The following DENND4C variants were observed in gnomAD, a reference collection of about 807,000 sequenced individuals.
DENND4C encodes DENN domain containing 4C.
Under a neutral mutation model 203.0 loss-of-function variants are expected in DENND4C, and 108 were observed. The ratio of observed to expected loss-of-function variants is 0.53; its 90% confidence interval spans 0.46 to 0.62. DENND4C has a LOEUF of 0.62. Among genes scored for constraint, DENND4C ranks in the 20% least tolerant of loss-of-function variants. The probability of loss-of-function intolerance (pLI) is 0.00; values close to 1 mark genes in which losing one functional copy is unlikely to be tolerated. For synonymous variants in DENND4C, 871 were observed against 792.4 expected, an observed-to-expected ratio of 1.10 and a Z score of -1.67; for missense variants, 2,481 against 2,301.2, an observed-to-expected ratio of 1.08 and a Z score of -1.60.
chr9:19,235,537 GTTCT>G (rs1821728220), intron 1 of DENND4C, among the ~76,000 whole-genome samples: 1 of 148,444 alleles, frequency 6.7e-6, no homozygotes, highest in African/African-American at 2.5e-5. Context: ...GTTTTGAAGT[GTTCT>G]TTGTTTCATT....
At chr9:19,258,029 G>C (rs1828409504) in intron 1 of DENND4C, among the ~76,000 whole-genome samples, 1 of 151,926 alleles carries the variant, frequency 6.6e-6, no homozygotes, top group Middle Eastern at 3.2e-3. Context: ...GAGGTGGGAG[G>C]AACACTTGAG....
rs754649450 is a variant in DENND4C, at chr9:19,324,383, G to A, written c.1829G>A (p.Arg610His). Residue 610 changes from arginine to histidine, a missense_variant, in exon 13 of 33, where the codon CGT becomes CAT. Physicochemically the swap from Arg to His is conservative, Grantham distance 29 (BLOSUM62 0). Transcript: ENST00000434457. ...TCAGGATTTTTAAAAAGTCGAGATC[G>A]TGCCTATGCAAAATTCTATACCCTT... ...DRQGFLKSRD[R>H]AYAKFYTLLS... 8.1e-6 allele frequency: 13 copies of A among 1,601,614 alleles called. No individual in the cohort carries two copies. The highest frequency in any genetic ancestry group is 5.4e-5 in the African/African-American group (4 of 73,960).
intron 12 of DENND4C, among the ~76,000 whole-genome samples, chr9:19,323,442 A>G (rs1843224846): frequency 6.6e-6 from 1 of 152,000 alleles, no homozygotes. Flanking sequence ...AAAAAAAAAA[A>G]AAAGGAATGA....
chr9:19,357,287 A>C, intron 27 of DENND4C, 133 bp downstream of exon 27: 1 of 777,712 alleles, frequency 1.3e-6, no homozygotes. Context: ...ACTTATTACC[A>C]CATAGTGTTT....
intron 3 of DENND4C, 91 bp downstream of exon 3, chr9:19,287,112 A>T: frequency 9.1e-7 from 1 of 1,093,656 alleles, no homozygotes; most frequent in African/African-American, 1.6e-5. Flanking sequence ...ATATACTCAC[A>T]TTTTATATTT....
intron 5 of DENND4C, among the ~76,000 whole-genome samples, chr9:19,295,782 A>G (rs763983545): frequency 7.2e-5 from 11 of 152,134 alleles, no homozygotes; most frequent in Admixed American, 2.0e-4. Context: ...CCATTTTTGT[A>G]TAAGATACAT....
chr9:19,275,792 A>G (rs530734570), intron 1 of DENND4C, among the ~76,000 whole-genome samples: 1 of 152,236 alleles, frequency 6.6e-6, no homozygotes, highest in African/African-American at 2.4e-5. Flanking sequence ...TTTTTAGTAG[A>G]GACAGGGTTT....
intron 1 of DENND4C, among the ~76,000 whole-genome samples, chr9:19,273,815 CAA>C (rs746581354): frequency 1.3e-5 from 2 of 151,844 alleles, no homozygotes; most frequent in African/African-American, 2.4e-5. Flanking sequence ...TCAAAGCTGA[CAA>C]GAGTGAAAAA....
intron 9 of DENND4C, among the ~76,000 whole-genome samples, chr9:19,303,457 A>G (rs958991767): frequency 6.6e-6 from 1 of 152,226 alleles, no homozygotes; most frequent in African/African-American, 2.4e-5. Context: ...GCATGACAGC[A>G]GAGTTAAATG....
At position 19,358,293 on chromosome 9, in the gene DENND4C, CTTTT is replaced by C. The variant is rs929548091; in HGVS notation, c.5160+135_5160+138del. 3 of 711,236 alleles carry C rather than the reference CTTTT, an allele frequency of 4.2e-6. No individual in the cohort carries two copies. The South Asian group carries it at 1.1e-4, about 27-fold the overall frequency. 44.1% of individuals were successfully genotyped at this position (711,236 alleles called of 1,614,324 possible). ...ATAGAGTTTTTCCATAAACAAATAA[CTTTT>C]TATTGTGGAGAATTTCAAATATGTA... On this transcript the variant is annotated intron_variant, in intron 28 of 32. Transcript: ENST00000434457. The surrounding 1 kb of genome is among the most constrained non-coding windows in gnomAD (Gnocchi z 4.8).
intron 3 of DENND4C, 24 bp from the exon 4 acceptor site, chr9:19,288,572 A>T (rs1029085108): frequency 8.2e-7 from 1 of 1,223,986 alleles, no homozygotes; most frequent in African/African-American, 1.6e-5. Context: ...TGTCTTTTTT[A>T]TAAACCTAAT....
intron 1 of DENND4C, among the ~76,000 whole-genome samples, chr9:19,231,927 G>C (rs76212921): frequency 0.021 from 3,171 of 152,232 alleles, 117 homozygotes; most frequent in African/African-American, 0.072. Context: ...GAGAACGTTA[G>C]TGCTAAGGCG....
intron 6 of DENND4C, among the ~76,000 whole-genome samples, chr9:19,297,272 G>C (rs1380315648): frequency 6.6e-6 from 1 of 152,158 alleles, no homozygotes; most frequent in Non-Finnish European, 1.5e-5. Flanking sequence ...GTAATTATGT[G>C]AGGGTTTAAA....
rs1488580953 is a variant in DENND4C at position 19,346,940 on chromosome 9, G to A, written c.4171G>A (p.Val1391Ile). The A allele has an allele frequency of 2.5e-6, 4 of 1,613,990 alleles. No individual in the cohort carries two copies. Among genetic ancestry groups the A allele is most frequent in the Admixed American group, 1.7e-5 (1 of 60,000 alleles). ...GCCACATGGCTCGTTGGGTTCTGTA[G>A]TAAATTCTTTGTCAGGGCTAAAGCT... The part of the protein sequence containing the change: ...SSPHGSLGSV[V>I]NSLSGLKLDN... The change falls in exon 23 of 33, where the codon GTA becomes ATA. Residue 1391 changes from valine (V) to isoleucine (I), a missense_variant. By Grantham distance (29) the Val-to-Ile change is conservative. Transcript: ENST00000434457.
chr9:19,298,975 A>T (rs1265951498), intron 7 of DENND4C, among the ~76,000 whole-genome samples: 1 of 152,156 alleles, frequency 6.6e-6, no homozygotes, highest in Non-Finnish European at 1.5e-5. Flanking sequence ...ATTGTACTTT[A>T]ACCAATTAAG....
chr9:19,278,712 T>A (rs1181889188), intron 2 of DENND4C, among the ~76,000 whole-genome samples: 1 of 152,228 alleles, frequency 6.6e-6, no homozygotes, highest in Non-Finnish European at 1.5e-5. Context: ...TCCTTTAGTA[T>A]TGTCCATCCT....
chr9:19,317,569 A>C (rs945187161), intron 12 of DENND4C, among the ~76,000 whole-genome samples: 1 of 152,062 alleles, frequency 6.6e-6, no homozygotes, highest in African/African-American at 2.4e-5. Context: ...CCTAGTGATT[A>C]CTTTAAAAAA....
chr9:19,344,443 C>G (rs1425337388), intron 22 of DENND4C, among the ~76,000 whole-genome samples: 5 of 152,120 alleles, frequency 3.3e-5, no homozygotes, highest in Non-Finnish European at 7.4e-5. Flanking sequence ...CTGTAGTGAG[C>G]CATGATTGCA....
At chr9:19,355,609 T>G (rs1315360207) in intron 26 of DENND4C, among the ~76,000 whole-genome samples, 1 of 152,214 alleles carries the variant, frequency 6.6e-6, no homozygotes, top group Non-Finnish European at 1.5e-5. Context: ...CCTCACTTGG[T>G]TCTGCATTTT....
Sources: allele counts gnomAD v4.1 joint callset (sites outside exome capture counted in the v4.1 genomes callset), GRCh38; gene constraint gnomAD v4.1.1; non-coding constraint Gnocchi (gnomAD v3.1); transcripts MANE v1.5; gene names NCBI Gene and HGNC (gene_info 2026-07-23, HGNC 2026-07-21).